F8: variants seen among roughly 807,000 people sequenced by gnomAD.
F8 encodes antihemophilic factor.
F8 carries 12 observed loss-of-function variants against 140.6 expected under a neutral mutation model. The ratio of observed to expected loss-of-function variants is 0.09; its 90% confidence interval spans 0.05 to 0.14. The LOEUF is 0.14. Ranked by LOEUF, F8 falls within the 10% of genes least tolerant of loss-of-function variation. The probability of loss-of-function intolerance (pLI) is 1.00; values close to 1 mark genes in which losing one functional copy is unlikely to be tolerated. For missense variants in F8, 1,354 were observed against 1,720.7 expected (o/e 0.79, Z 3.77); for synonymous variants, 585 against 614.6 (o/e 0.95, Z 0.71).
In F8 at chrX:154,902,166, A is replaced by G; in HGVS notation, c.6000T>C (p.Gly2000=). 1 of 1,170,375 alleles carries G rather than the reference A, an allele frequency of 8.5e-7. No individual in the cohort carries two copies. Among genetic ancestry groups the G allele is most frequent in the Non-Finnish European group, 1.2e-6 (1 of 857,595 alleles). ...GTAACATTTCCACTGTCTCAAAAAC[A>G]CCTTATAAAAACCAACAGGAACAGA... The part of the protein sequence containing the change: ...YKMALYNLYP[G]VFETVEMLPS... Residue 2000 remains glycine (G), a splice_region_variant and synonymous_variant, in exon 19 of 26, where the codon GGT becomes GGC. Coordinates refer to ENST00000360256, the MANE Select transcript of F8 (RefSeq NM_000132.4).
chrX:154,936,334 T>TA (rs1309106007), intron 13 of F8, among the ~76,000 whole-genome samples: 2 of 111,537 alleles, frequency 1.8e-5, no homozygotes, highest in Non-Finnish European at 3.8e-5. Flanking sequence ...CAGAAAATGT[T>TA]AAAAAAGACA....
chrX:154,965,892 A>C lies in F8; in HGVS notation c.1443+78T>G, dbSNP rs140034965. On this transcript the variant is annotated intron_variant, in intron 9 of 25. Transcript: ENST00000360256. ...TCATGTCCATTGGAGACAAGGCTGA[A>C]TTATGAGGTATTTTAGAAACTCAAA... The C allele has an allele frequency of 1.8e-3, 1,736 of 972,555 alleles. 15 individuals are homozygous for C. In the African/African-American group the frequency reaches 0.029, roughly 16 times the overall value. 80.1% of individuals were successfully genotyped at this position (972,555 alleles called of 1,213,427 possible). A position where few individuals can be genotyped will look rare whatever the true frequency, so the allele number is the denominator to read the frequency against.
At chrX:154,870,180 TC>T (rs1419521878) in intron 22 of F8, among the ~76,000 whole-genome samples, 2 of 112,066 alleles carry the variant, frequency 1.8e-5, no homozygotes, top group Non-Finnish European at 3.8e-5. Context: ...GAGGGAATCC[TC>T]CCTAACTCAT....
At chrX:154,912,058 G>T (rs1217130292) in intron 14 of F8, among the ~76,000 whole-genome samples, 1 of 111,201 alleles carries the variant, frequency 9.0e-6, no homozygotes, top group African/African-American at 3.3e-5. Flanking sequence ...TTGCTTTTTT[G>T]CCATTGACTT....
intron 25 of F8, among the ~76,000 whole-genome samples, chrX:154,843,800 T>A (rs1422989859): frequency 8.9e-6 from 1 of 112,116 alleles, no homozygotes; most frequent in Admixed American, 9.4e-5. Context: ...TTTCATTAGA[T>A]CCCATTTGTC....
intron 4 of F8, among the ~76,000 whole-genome samples, chrX:154,989,863 G>A (rs1274746460): frequency 1.8e-5 from 2 of 111,943 alleles, no homozygotes; most frequent in African/African-American, 6.5e-5. Context: ...TCAGGTAAGG[G>A]ATACTCAATC....
Position 155,022,656 on chromosome X carries a change from G to A in F8, c.-104C>T. On this transcript the variant is annotated 5_prime_UTR_variant, in exon 1 of 26. Transcript: ENST00000360256. ...AAAAAAGTAAAATTTCTGATTTAAT[G>A]AAAAGTCCCAATTTCTTTGCAGAGC... 1 of 1,186,842 alleles carries A rather than the reference G, an allele frequency of 8.4e-7. No homozygotes were observed. Among genetic ancestry groups the A allele is most frequent in the Non-Finnish European group, 1.1e-6 (1 of 885,422 alleles).
At chrX:154,911,375 C>G (rs1791058816) in intron 14 of F8, among the ~76,000 whole-genome samples, 1 of 108,834 alleles carries the variant, frequency 9.2e-6, no homozygotes, top group African/African-American at 3.4e-5. Flanking sequence ...ATACCATTCC[C>G]AAACTCCTTT....
intron 3 of F8, among the ~76,000 whole-genome samples, chrX:154,995,519 T>C (rs1557285024): frequency 8.9e-6 from 1 of 112,200 alleles, no homozygotes; most frequent in Non-Finnish European, 1.9e-5. Flanking sequence ...TCTCCAGGAA[T>C]GGGTTGAACC....
At chrX:155,016,939 A>G (rs1327685692) in intron 1 of F8, among the ~76,000 whole-genome samples, 2 of 112,570 alleles carry the variant, frequency 1.8e-5, no homozygotes, top group Non-Finnish European at 3.8e-5. Context: ...CCTTGGTGTC[A>G]TGTCCAAAAA....
At chrX:154,846,722 C>A (rs1018612255) in intron 25 of F8, among the ~76,000 whole-genome samples, 1 of 111,747 alleles carries the variant, frequency 8.9e-6, no homozygotes, top group Non-Finnish European at 1.9e-5. Context: ...ACTGATGGGT[C>A]TTGACTCTTT....
chrX:154,947,174 G>A (rs2073310120), intron 13 of F8, among the ~76,000 whole-genome samples: 1 of 97,105 alleles, frequency 1.0e-5, no homozygotes, highest in African/African-American at 3.9e-5. Context: ...GCAGTGAGCC[G>A]AGATCGTGCC....
intron 13 of F8, among the ~76,000 whole-genome samples, chrX:154,946,717 A>G (rs886523962): frequency 8.9e-6 from 1 of 111,830 alleles, no homozygotes; most frequent in Admixed American, 9.5e-5. Flanking sequence ...GCAAAAGTAG[A>G]CAAATGGGAT....
At chrX:154,879,684 C>A (rs937062918) in intron 22 of F8, among the ~76,000 whole-genome samples, 17 of 111,504 alleles carry the variant, frequency 1.5e-4, no homozygotes, top group African/African-American at 5.6e-4. Flanking sequence ...GCTCTGTATC[C>A]CCACCCAAAT....
intron 14 of F8, among the ~76,000 whole-genome samples, chrX:154,907,939 G>A (rs2073046372): frequency 9.0e-6 from 1 of 110,752 alleles, no homozygotes; most frequent in Non-Finnish European, 1.9e-5. Context: ...ATCTTTTGAT[G>A]AGCATAAGTT....
intron 25 of F8, among the ~76,000 whole-genome samples, chrX:154,854,858 G>A (rs1010671335): frequency 1.1e-4 from 12 of 111,709 alleles, no homozygotes; most frequent in African/African-American, 3.3e-4. Context: ...CAGGCTGGGC[G>A]CGGTGGCTCA....
intron 14 of F8, chrX:154,919,702 C>G (rs2073118837): frequency 2.5e-6 from 1 of 393,684 alleles, no homozygotes; most frequent in African/African-American, 2.6e-5. Context: ...TCCTGTGTTG[C>G]CAGTCTATCC....
intron 1 of F8, among the ~76,000 whole-genome samples, chrX:155,005,357 C>A (rs1163178546): frequency 2.8e-5 from 3 of 108,388 alleles, no homozygotes; most frequent in Non-Finnish European, 5.7e-5. Flanking sequence ...GATAAATGGA[C>A]AAGTACAGTC....
intron 25 of F8, among the ~76,000 whole-genome samples, chrX:154,843,416 G>T (rs1381013924): frequency 1.8e-5 from 2 of 111,994 alleles, no homozygotes; most frequent in East Asian, 5.6e-4. Flanking sequence ...CACCAACAGT[G>T]TAAAAGCGTT....
Sources: allele counts gnomAD v4.1 joint callset (sites outside exome capture counted in the v4.1 genomes callset), GRCh38; gene constraint gnomAD v4.1.1; transcripts MANE v1.5; gene names NCBI Gene and HGNC (gene_info 2026-07-23, HGNC 2026-07-21).